The following ZNRF1 variants were observed in gnomAD, a reference collection of about 807,000 sequenced individuals.
ZNRF1 encodes the protein E3 ubiquitin-protein ligase ZNRF1.
In ZNRF1, 3 loss-of-function variants were observed where a neutral mutation model predicts 18.4. The ratio of observed to expected loss-of-function variants is 0.16; its 90% CI spans 0.07 to 0.42. The LOEUF (loss-of-function observed/expected upper bound fraction) is 0.42, where lower values mean the gene tolerates loss of function less well. Ranked by LOEUF, ZNRF1 falls within the 10% of genes least tolerant of loss-of-function variation. The pLI is 0.99. For missense variants in ZNRF1, 310 were observed against 329.8 expected (o/e 0.94, Z 0.47); for synonymous variants, 157 against 144.2 (o/e 1.09, Z -0.64).
chr16:75,075,661 G>T (rs2035931009), intron 1 of ZNRF1, among the ~76,000 whole-genome samples: 1 of 152,330 alleles, frequency 6.6e-6, no homozygotes, highest in African/African-American at 2.4e-5. Context: ...AGGCTCTAGG[G>T]CTACAGCAGT....
intron 1 of ZNRF1, among the ~76,000 whole-genome samples, chr16:75,061,209 C>T (rs2035739811): frequency 6.6e-6 from 1 of 152,158 alleles, no homozygotes; most frequent in African/African-American, 2.4e-5. Context: ...TATTAACTGG[C>T]TATAGTCACC....
chr16:75,012,323 G>A (rs2035009570), intron 1 of ZNRF1, among the ~76,000 whole-genome samples: 1 of 152,224 alleles, frequency 6.6e-6, no homozygotes, highest in Non-Finnish European at 1.5e-5. Flanking sequence ...TTGGGTTAGA[G>A]AGCCAGAAGC....
At chr16:75,023,811 T>C (rs1322346416) in intron 1 of ZNRF1, among the ~76,000 whole-genome samples, 2 of 152,042 alleles carry the variant, frequency 1.3e-5, no homozygotes. Flanking sequence ...TGTTATAATT[T>C]ACCTCACTGT....
At chr16:75,036,796 A>G (rs1488168863) in intron 1 of ZNRF1, among the ~76,000 whole-genome samples, 1 of 152,190 alleles carries the variant, frequency 6.6e-6, no homozygotes, top group Non-Finnish European at 1.5e-5. Flanking sequence ...TGTATGTATT[A>G]TACACACGTA....
At chr16:75,011,726 C>G (rs1390743546) in intron 1 of ZNRF1, among the ~76,000 whole-genome samples, 1 of 152,156 alleles carries the variant, frequency 6.6e-6, no homozygotes, top group Non-Finnish European at 1.5e-5. Flanking sequence ...AGCTAGCTGC[C>G]ATCCATCTTA....
At chr16:75,015,983 C>T (rs1156606536) in intron 1 of ZNRF1, among the ~76,000 whole-genome samples, 3 of 146,996 alleles carry the variant, frequency 2.0e-5, no homozygotes, top group African/African-American at 7.6e-5. Context: ...TGCAATGGCG[C>T]GATCTCCTCT....
At chr16:75,054,134 A>G (rs1178515812) in intron 1 of ZNRF1, among the ~76,000 whole-genome samples, 2 of 152,232 alleles carry the variant, frequency 1.3e-5, no homozygotes, top group African/African-American at 4.8e-5. Flanking sequence ...GGTTCCTGTG[A>G]AAAAGGCAGA....
intron 1 of ZNRF1, among the ~76,000 whole-genome samples, chr16:75,062,738 G>A (rs778932066): frequency 3.3e-5 from 5 of 152,230 alleles, no homozygotes; most frequent in African/African-American, 7.2e-5. Context: ...TAGGAGAGGC[G>A]TCCGGAGGGC....
chr16:75,101,600 T>C (rs1337807169), intron 2 of ZNRF1, among the ~76,000 whole-genome samples: 1 of 152,142 alleles, frequency 6.6e-6, no homozygotes, highest in East Asian at 1.9e-4. Context: ...ACCTGGAGTC[T>C]GCAGTGTACT....
chr16:75,060,772 C>T (rs938274934), intron 1 of ZNRF1, among the ~76,000 whole-genome samples: 2 of 152,080 alleles, frequency 1.3e-5, no homozygotes, highest in African/African-American at 4.8e-5. Context: ...GCCACCGCGC[C>T]CGGCCAGAAA....
At chr16:75,088,414 A>C (rs1310969038) in intron 1 of ZNRF1, among the ~76,000 whole-genome samples, 2 of 152,250 alleles carry the variant, frequency 1.3e-5, no homozygotes, top group African/African-American at 4.8e-5. Context: ...AATGGAAAGC[A>C]GAACTCCAGA....
chr16:75,011,414 T>A (rs2034998567), intron 1 of ZNRF1, among the ~76,000 whole-genome samples: 1 of 152,186 alleles, frequency 6.6e-6, no homozygotes, highest in Non-Finnish European at 1.5e-5. Context: ...AAACTTTTTT[T>A]CAGAGACAAG....
At chr16:75,041,577 G>A (rs1005156124) in intron 1 of ZNRF1, among the ~76,000 whole-genome samples, 4 of 151,514 alleles carry the variant, frequency 2.6e-5, no homozygotes, top group African/African-American at 4.8e-5. Flanking sequence ...TGATACGCCC[G>A]CCTCAGCCTC....
rs1467167070 is a variant in ZNRF1 at position 75,015,418 on chromosome 16, A to C, written c.424+15323A>C. 2.0e-5 allele frequency among the ~76,000 whole-genome samples: 3 copies of C among 152,172 alleles called. No individual in the cohort carries two copies. In the South Asian group the frequency reaches 6.2e-4, roughly 32 times the overall value. ...TGGACAAACCTCATCTCTACTAAAA[A>C]TACAAAATGAGCTGGGCGTGGTGGC... On this transcript the variant is annotated intron_variant, in intron 1 of 4. Transcript: ENST00000335325.
intron 1 of ZNRF1, among the ~76,000 whole-genome samples, chr16:75,050,812 A>C (rs1262270177): frequency 7.7e-6 from 1 of 129,310 alleles, no homozygotes; most frequent in Non-Finnish European, 1.6e-5. Context: ...TGGAGCTTGC[A>C]GTGAGCCAAG....
chr16:75,023,311 C>A (rs911462917), intron 1 of ZNRF1, among the ~76,000 whole-genome samples: 4 of 152,160 alleles, frequency 2.6e-5, no homozygotes, highest in African/African-American at 9.7e-5. Flanking sequence ...TACCTTACCC[C>A]CCACATTCAC....
rs1408157584 is a variant in ZNRF1 at position 75,003,350 on chromosome 16, G to C, written c.424+3255G>C. Among the ~76,000 whole-genome samples, 6 of 152,330 alleles carry C rather than the reference G, an allele frequency of 3.9e-5. No homozygotes were observed. The East Asian group carries it at 9.6e-4, about 24-fold the overall frequency. On this transcript the variant is annotated intron_variant, in intron 1 of 4. Coordinates refer to ENST00000335325, the MANE Select transcript of ZNRF1 (RefSeq NM_032268.5). ...TGCCTAAAGTCTAAGCTCCGTGAGA[G>C]CAGGACTGTGTTCCTTGATCTCTGT...
At chr16:75,106,412 C>T (rs2145433059) in intron 3 of ZNRF1, 70 bp from the exon 4 acceptor site, 1 of 1,568,784 alleles carries the variant, frequency 6.4e-7, no homozygotes, top group Non-Finnish European at 8.8e-7. Flanking sequence ...ATCTGGCCCT[C>T]TGAAAGAGCC....
intron 1 of ZNRF1, among the ~76,000 whole-genome samples, chr16:75,025,384 T>G (rs2035207942): frequency 6.6e-6 from 1 of 152,110 alleles, no homozygotes; most frequent in African/African-American, 2.4e-5. Flanking sequence ...ATTTTGTTTT[T>G]GTTTCTGTTG....
Sources: allele counts gnomAD v4.1 joint callset (sites outside exome capture counted in the v4.1 genomes callset), GRCh38; gene constraint gnomAD v4.1.1; transcripts MANE v1.5; gene names NCBI Gene and HGNC (gene_info 2026-07-23, HGNC 2026-07-21).